Variants in GLDC observed in about 807,000 individuals in gnomAD.
The protein encoded by GLDC is glycine decarboxylase.
GLDC carries 104 observed loss-of-function variants against 121.3 expected under a neutral mutation model. That is an observed-to-expected ratio of 0.86 (90% CI 0.73 to 1.01). The LOEUF is 1.01. GLDC is among the 50% of genes least tolerant of loss of function. The probability of loss-of-function intolerance (pLI) is 0.00; values close to 1 mark genes in which losing one functional copy is unlikely to be tolerated. For synonymous variants in GLDC, 546 were observed against 480.6 expected, an observed-to-expected ratio of 1.14 and a Z score of -1.78; for missense variants, 1,429 against 1,306.6, an observed-to-expected ratio of 1.09 and a Z score of -1.44.
At chr9:6,630,158 T>G (rs995338120) in intron 2 of GLDC, among the ~76,000 whole-genome samples, 2 of 151,332 alleles carry the variant, frequency 1.3e-5, no homozygotes, top group African/African-American at 4.9e-5. Flanking sequence ...GTAATTAAAA[T>G]GTTGGGAGGC....
At chr9:6,622,104 T>C (rs989294269) in intron 2 of GLDC, among the ~76,000 whole-genome samples, 4 of 151,962 alleles carry the variant, frequency 2.6e-5, no homozygotes, top group African/African-American at 9.7e-5. Context: ...GAATATTATT[T>C]GCATCAATCT....
chr9:6,592,719 A>T, intron 10 of GLDC, 132 bp downstream of exon 10: 1 of 797,880 alleles, frequency 1.3e-6, no homozygotes, highest in Non-Finnish European at 2.1e-6. Context: ...TGTAAATAAC[A>T]CTTGTTTATG....
intron 11 of GLDC, among the ~76,000 whole-genome samples, chr9:6,590,804 G>T (rs1203379904): frequency 6.6e-6 from 1 of 152,194 alleles, no homozygotes; most frequent in African/African-American, 2.4e-5. Context: ...TTAGTGCAGA[G>T]TTCTACAGAG....
At chr9:6,533,722 G>T (rs1817049431) in intron 24 of GLDC, among the ~76,000 whole-genome samples, 1 of 151,954 alleles carries the variant, frequency 6.6e-6, no homozygotes, top group African/African-American at 2.4e-5. Flanking sequence ...GCCAGGCATG[G>T]TGGCACATGC....
At chr9:6,622,507 G>A (rs1440937616) in intron 2 of GLDC, among the ~76,000 whole-genome samples, 1 of 152,158 alleles carries the variant, frequency 6.6e-6, no homozygotes, top group Admixed American at 6.5e-5. Context: ...GCCTCCCGAG[G>A]TGCCGGGATT....
At chr9:6,538,918 C>G (rs1025676622) in intron 22 of GLDC, among the ~76,000 whole-genome samples, 3 of 152,106 alleles carry the variant, frequency 2.0e-5, no homozygotes, top group African/African-American at 7.2e-5. Flanking sequence ...ATTAATGAAG[C>G]CTTTCTCTGG....
intron 8 of GLDC, among the ~76,000 whole-genome samples, chr9:6,599,879 A>C (rs1412243588): frequency 6.6e-6 from 1 of 152,188 alleles, no homozygotes; most frequent in African/African-American, 2.4e-5. Flanking sequence ...AACATAATAC[A>C]AAAGGACCAA....
chr9:6,575,418 C>T (rs187911751), intron 15 of GLDC, among the ~76,000 whole-genome samples: 13 of 152,328 alleles, frequency 8.5e-5, no homozygotes, highest in African/African-American at 3.1e-4. Context: ...GCTGCCTCAG[C>T]ATCACCTGGG....
chr9:6,644,553 A>AT lies in GLDC; in HGVS notation c.334+60_334+61insA, dbSNP rs111616679. 11 of 1,137,166 alleles carry AT rather than the reference A, an allele frequency of 9.7e-6. 1 individual carries two copies. The African/African-American group carries it at 1.2e-4, about 13-fold the overall frequency. The allele number at this position is 1,137,166 out of a possible 1,614,324, so 70.4% of individuals were successfully genotyped here. ...TACCCCAGAGCTCGATTTTCAGGGA[A>AT]CCACAAAAGACAAATAGGCCAGAAT... On this transcript the variant is annotated intron_variant, in intron 2 of 24. Transcript: ENST00000321612.
At chr9:6,537,298 C>T (rs1213295954) in intron 22 of GLDC, among the ~76,000 whole-genome samples, 2 of 152,126 alleles carry the variant, frequency 1.3e-5, no homozygotes, top group African/African-American at 4.8e-5. Flanking sequence ...AGATAACAGG[C>T]ATGAGCCACC....
chr9:6,632,675 G>C (rs1342374156), intron 2 of GLDC, among the ~76,000 whole-genome samples: 1 of 152,160 alleles, frequency 6.6e-6, no homozygotes, highest in African/African-American at 2.4e-5. Context: ...TCTAGCACGC[G>C]CCCCGGTTCA....
chr9:6,628,801 A>C (rs1819301930), intron 2 of GLDC, among the ~76,000 whole-genome samples: 1 of 152,196 alleles, frequency 6.6e-6, no homozygotes, highest in South Asian at 2.1e-4. Context: ...ACAGCTATGC[A>C]GGGCAGCCAG....
At chr9:6,623,640 T>G (rs1051739819) in intron 2 of GLDC, among the ~76,000 whole-genome samples, 8 of 152,102 alleles carry the variant, frequency 5.3e-5, no homozygotes, top group Admixed American at 2.6e-4. Flanking sequence ...AAGAGAGAGA[T>G]ATGGTACTTT....
At chr9:6,563,791 T>G (rs2129752979) in intron 16 of GLDC, among the ~76,000 whole-genome samples, 1 of 152,232 alleles carries the variant, frequency 6.6e-6, no homozygotes, top group South Asian at 2.1e-4. Flanking sequence ...TGACCAGGGT[T>G]TAATCATTTA....
chr9:6,619,546 G>A (rs113711324), intron 3 of GLDC, among the ~76,000 whole-genome samples: 3,168 of 152,166 alleles, frequency 0.021, 111 homozygotes, highest in African/African-American at 0.072. Flanking sequence ...TGGCCAACAC[G>A]GTGAAACCCC....
intron 1 of GLDC, 77 bp from the exon 2 acceptor site, chr9:6,644,769 C>A (rs1051746865): frequency 2.1e-6 from 2 of 959,612 alleles, no homozygotes; most frequent in Admixed American, 1.7e-5. Context: ...ACTACAAAGC[C>A]TTGTGGGAAC....
intron 15 of GLDC, among the ~76,000 whole-genome samples, chr9:6,582,434 T>C (rs1818189012): frequency 6.6e-6 from 1 of 151,726 alleles, no homozygotes; most frequent in Non-Finnish European, 1.5e-5. Flanking sequence ...GGCATGAGAA[T>C]TACTTGAACC....
Position 6,577,814 on chromosome 9 carries a change from G to A in GLDC, c.1850+9327C>T, listed in dbSNP as rs577056152. 5.9e-5 allele frequency among the ~76,000 whole-genome samples: 8 copies of A among 136,560 alleles called. No individual in the cohort carries two copies. In the East Asian group the frequency reaches 1.2e-3, roughly 20 times the overall value. 89.6% of individuals were successfully genotyped at this position (136,560 alleles called of 152,430 possible). A position where few individuals can be genotyped will look rare whatever the true frequency, so the allele number is the denominator to read the frequency against. On this transcript the variant is annotated intron_variant, in intron 15 of 24. Coordinates refer to ENST00000321612, the MANE Select transcript of GLDC (RefSeq NM_000170.3). ...TCCTGCTCCCCATCTCTACGTTATTGATTTTTTTTTGCTCGAATCCTGATT... is the reference window on the plus strand; with the variant it reads ...TCCTGCTCCCCATCTCTACGTTATTAATTTTTTTTTGCTCGAATCCTGATT...
At chr9:6,592,098 C>T (rs755183594) in intron 11 of GLDC, 45 bp downstream of exon 11, 51 of 1,186,914 alleles carry the variant, frequency 4.3e-5, no homozygotes, top group South Asian at 1.7e-4. Context: ...TTTGCTACCA[C>T]CTCCAATAGT....
Sources: allele counts gnomAD v4.1 joint callset (sites outside exome capture counted in the v4.1 genomes callset), GRCh38; gene constraint gnomAD v4.1.1; transcripts MANE v1.5; gene names NCBI Gene and HGNC (gene_info 2026-07-23, HGNC 2026-07-21).